NSMCE2: variants seen among roughly 807,000 people sequenced by gnomAD.
NSMCE2 encodes E3 SUMO-protein ligase NSE2.
NSMCE2 carries 24 observed loss-of-function variants against 23.8 expected under a neutral mutation model. That is an observed-to-expected ratio of 1.01 (90% CI 0.73 to 1.42). The LOEUF (loss-of-function observed/expected upper bound fraction) is 1.42, where lower values mean the gene tolerates loss of function less well. NSMCE2 is among the 40% of genes most tolerant of loss of function. NSMCE2 has a pLI of 0.00. For missense variants in NSMCE2, 284 were observed against 296.5 expected, an observed-to-expected ratio of 0.96 and a Z score of 0.31; for synonymous variants, 92 against 94.1, an observed-to-expected ratio of 0.98 and a Z score of 0.13.
rs190185204 is a variant in NSMCE2 at position 125,202,298 on chromosome 8, G to A, written c.418+20042G>A. 4.6e-5 allele frequency among the ~76,000 whole-genome samples: 7 copies of A among 152,316 alleles called. No homozygotes were observed. In the South Asian group the frequency reaches 6.2e-4, roughly 14 times the overall value. On this transcript the variant is annotated intron_variant, in intron 5 of 7. Transcript: ENST00000287437. The stretch of plus-strand genomic sequence containing the variant: ...GCCAAAATCACCAGTCTTCTGCGTC[G>A]ATCACGCTGGGAGCTGCAGACCGGA...
chr8:125,243,214 A>G (rs910447863), intron 5 of NSMCE2, among the ~76,000 whole-genome samples: 2 of 152,234 alleles, frequency 1.3e-5, no homozygotes, highest in Admixed American at 6.5e-5. Context: ...GTGGACGTAT[A>G]TATACTTAAG....
chr8:125,348,552 C>T (rs1812880021), intron 5 of NSMCE2: 1 of 152,072 alleles, frequency 6.6e-6, no homozygotes, highest in Admixed American at 6.6e-5. Flanking sequence ...CCCATAATTC[C>T]CACGTGTTGT....
At chr8:125,362,005 G>C (rs966729350) in intron 7 of NSMCE2, among the ~76,000 whole-genome samples, 1 of 152,176 alleles carries the variant, frequency 6.6e-6, no homozygotes. Flanking sequence ...GGGACCCCAA[G>C]ACCCGGTTCC....
chr8:125,134,316 G>A (rs1257649456), intron 3 of NSMCE2, among the ~76,000 whole-genome samples: 1 of 152,062 alleles, frequency 6.6e-6, no homozygotes, highest in Non-Finnish European at 1.5e-5. Flanking sequence ...TACTTTTTTA[G>A]TAATAGAGTT....
At chr8:125,241,951 C>T (rs1476641419) in intron 5 of NSMCE2, among the ~76,000 whole-genome samples, 2 of 152,092 alleles carry the variant, frequency 1.3e-5, no homozygotes, top group Non-Finnish European at 2.9e-5. Flanking sequence ...GGTGATGATG[C>T]CATTTACCAG....
chr8:125,252,087 A>C (rs1033687348), intron 5 of NSMCE2, among the ~76,000 whole-genome samples: 1 of 152,224 alleles, frequency 6.6e-6, no homozygotes, highest in African/African-American at 2.4e-5. Context: ...TTGTAATCCT[A>C]GCTGAGATTG....
intron 4 of NSMCE2, among the ~76,000 whole-genome samples, chr8:125,164,064 A>C (rs1019522652): frequency 1.3e-5 from 2 of 152,232 alleles, no homozygotes. Flanking sequence ...ATATTTGCAC[A>C]GGGCTTACTT....
intron 3 of NSMCE2, among the ~76,000 whole-genome samples, chr8:125,122,172 CAAA>C (rs796879544): frequency 4.4e-5 from 2 of 45,968 alleles, no homozygotes; most frequent in Admixed American, 1.8e-4. Flanking sequence ...CTGGCTGAGC[CAAA>C]AAAAAAAAAA....
At chr8:125,267,927 C>T (rs961236795) in intron 5 of NSMCE2, among the ~76,000 whole-genome samples, 6 of 151,990 alleles carry the variant, frequency 3.9e-5, no homozygotes, top group African/African-American at 1.4e-4. Flanking sequence ...CTTATCCATG[C>T]GTAAAAACAA....
chr8:125,102,157 C>T lies in NSMCE2; in HGVS notation c.-15+11C>T, dbSNP rs1436819920. The T allele has an allele frequency of 1.6e-5, 9 of 576,454 alleles. No individual in the cohort carries two copies. Among genetic ancestry groups the T allele is most frequent in the South Asian group, 2.2e-5 (1 of 45,186 alleles). The allele number at this position is 576,454 out of a possible 1,614,324, so 35.7% of individuals were successfully genotyped here. ...TGTTTGGTGGCCCAGGTGAGTGGCACAGTGATTTGGTGTCTTCTCTATAGG... is the reference window on the plus strand; with the variant it reads ...TGTTTGGTGGCCCAGGTGAGTGGCATAGTGATTTGGTGTCTTCTCTATAGG... On this transcript the variant is annotated intron_variant, in intron 2 of 7. Transcript: ENST00000287437.
chr8:125,357,418 TAAG>T, intron 6 of NSMCE2, 99 bp downstream of exon 6: 3 of 863,746 alleles, frequency 3.5e-6, no homozygotes, highest in Non-Finnish European at 5.7e-6. Flanking sequence ...CTTAGGGAGT[TAAG>T]GAGGGAGTAA....
chr8:125,309,204 C>T (rs975601539), intron 5 of NSMCE2, among the ~76,000 whole-genome samples: 17 of 146,840 alleles, frequency 1.2e-4, no homozygotes, highest in African/African-American at 4.1e-4. Flanking sequence ...GCCGAGATCA[C>T]GCCATTCAAC....
At chr8:125,364,944 A>C (rs1813714604) in intron 7 of NSMCE2, among the ~76,000 whole-genome samples, 1 of 152,174 alleles carries the variant, frequency 6.6e-6, no homozygotes, top group Non-Finnish European at 1.5e-5. Context: ...TTGGGCCTCT[A>C]ATCTACCAAA....
chr8:125,290,948 A>G (rs1051676763), intron 5 of NSMCE2, among the ~76,000 whole-genome samples: 1 of 152,348 alleles, frequency 6.6e-6, no homozygotes, highest in South Asian at 2.1e-4. Flanking sequence ...ATTCTCTAGT[A>G]CCTAGCAGTG....
chr8:125,254,305 T>C, intron 5 of NSMCE2, among the ~76,000 whole-genome samples: 1 of 152,236 alleles, frequency 6.6e-6, no homozygotes, highest in East Asian at 1.9e-4. Flanking sequence ...ATTTGAGTCA[T>C]TAGTGTGCCA....
chr8:125,203,050 A>T (rs1823952715), intron 5 of NSMCE2, among the ~76,000 whole-genome samples: 1 of 152,220 alleles, frequency 6.6e-6, no homozygotes, highest in Non-Finnish European at 1.5e-5. Flanking sequence ...AATATTTGTT[A>T]TAAGCAAATG....
intron 3 of NSMCE2, among the ~76,000 whole-genome samples, chr8:125,150,757 C>T (rs1276776824): frequency 6.6e-6 from 1 of 152,018 alleles, no homozygotes; most frequent in African/African-American, 2.4e-5. Context: ...GAGAATCTTC[C>T]CTATTTGACC....
chr8:125,195,163 G>A (rs908544484), intron 5 of NSMCE2, among the ~76,000 whole-genome samples: 1 of 151,990 alleles, frequency 6.6e-6, no homozygotes, highest in African/African-American at 2.4e-5. Flanking sequence ...GGTTTACAGC[G>A]GAGGTGCTCA....
chr8:125,281,259 AT>A (rs1004286320), intron 5 of NSMCE2, among the ~76,000 whole-genome samples: 5 of 152,136 alleles, frequency 3.3e-5, no homozygotes, highest in African/African-American at 4.8e-5. Context: ...CCAATTTGTA[AT>A]TTTTGTGGTA....
Sources: allele counts gnomAD v4.1 joint callset (sites outside exome capture counted in the v4.1 genomes callset), GRCh38; gene constraint gnomAD v4.1.1; transcripts MANE v1.5; gene names NCBI Gene and HGNC (gene_info 2026-07-23, HGNC 2026-07-21).